Variants in TBXAS1 observed in about 807,000 individuals in gnomAD.
The protein encoded by TBXAS1 is thromboxane A synthase 1.
TBXAS1 carries 48 observed loss-of-function variants against 60.7 expected under a neutral mutation model. The observed-to-expected ratio is 0.79, with a 90% CI of 0.63 to 1.01. TBXAS1 has a LOEUF of 1.01. Ranked by LOEUF, TBXAS1 falls within the 50% of genes least tolerant of loss-of-function variation. TBXAS1 has a pLI of 0.00. For missense variants in TBXAS1, 685 were observed against 686.3 expected (o/e 1.00, Z 0.02); for synonymous variants, 287 against 269.7 (o/e 1.06, Z -0.63).
At chr7:139,815,547 A>G (rs891724916) in intron 4 of TBXAS1, among the ~76,000 whole-genome samples, 8 of 152,198 alleles carry the variant, frequency 5.3e-5, no homozygotes, top group Non-Finnish European at 7.3e-5. Context: ...TCTATGATGT[A>G]ATTATGTGAG....
chr7:139,820,246 T>C (rs1425797343), intron 4 of TBXAS1, among the ~76,000 whole-genome samples: 3 of 152,044 alleles, frequency 2.0e-5, no homozygotes, highest in African/African-American at 7.2e-5. Flanking sequence ...TGTAGCCGCA[T>C]CCAGCCATGA....
At position 139,972,023 on chromosome 7, in the gene TBXAS1, G is replaced by T. The variant is rs1048621535; in HGVS notation, c.1134+9790G>T. 5.3e-5 allele frequency among the ~76,000 whole-genome samples: 8 copies of T among 152,260 alleles called. No individual in the cohort carries two copies. In the East Asian group the frequency reaches 1.5e-3, roughly 29 times the overall value. On this transcript the variant is annotated intron_variant, in intron 9 of 12. Coordinates refer to ENST00000448866, the MANE Select transcript of TBXAS1 (RefSeq NM_001061.7). ...CCAAGACCCACATGCCTGCAATGGG[G>T]GTGGCACAGGGGAGGCAGGGTGAAG...
intron 4 of TBXAS1, among the ~76,000 whole-genome samples, chr7:139,791,694 C>G (rs1175311894): frequency 6.6e-6 from 1 of 152,082 alleles, no homozygotes; most frequent in African/African-American, 2.4e-5. Flanking sequence ...GTGAAAGGTG[C>G]AGGCGGCTGT....
chr7:139,986,942 T>G (rs918002573), intron 9 of TBXAS1, among the ~76,000 whole-genome samples: 2 of 151,936 alleles, frequency 1.3e-5, no homozygotes, highest in African/African-American at 4.8e-5. Flanking sequence ...GGTGGAAATT[T>G]GATGTGGAAA....
At chr7:139,956,749 T>C (rs1584949382) in intron 7 of TBXAS1, among the ~76,000 whole-genome samples, 1 of 152,388 alleles carries the variant, frequency 6.6e-6, no homozygotes, top group East Asian at 1.9e-4. Flanking sequence ...CAGCGCAGGC[T>C]GTGTCTGCCC....
At chr7:139,899,384 C>A (rs1804396423) in intron 3 of TBXAS1, among the ~76,000 whole-genome samples, 2 of 152,162 alleles carry the variant, frequency 1.3e-5, no homozygotes, top group East Asian at 1.9e-4. Context: ...GGCCAGGCAG[C>A]CCCCAGGCTA....
At chr7:139,993,173 G>A (rs578211539) in intron 9 of TBXAS1, among the ~76,000 whole-genome samples, 14 of 151,996 alleles carry the variant, frequency 9.2e-5, no homozygotes, top group Non-Finnish European at 1.5e-4. Context: ...AGTGAGACTC[G>A]GTCTCAATAA....
chr7:139,958,633 G>T (rs1810067251), intron 8 of TBXAS1, among the ~76,000 whole-genome samples: 1 of 152,238 alleles, frequency 6.6e-6, no homozygotes, highest in Non-Finnish European at 1.5e-5. Flanking sequence ...GCACTGGCCT[G>T]AAATGAAATC....
chr7:139,849,289 G>C (rs948631912), intron 1 of TBXAS1, among the ~76,000 whole-genome samples: 2 of 151,926 alleles, frequency 1.3e-5, no homozygotes, highest in African/African-American at 2.4e-5. Flanking sequence ...TGGGGTGAGA[G>C]GATCAGTTGA....
chr7:139,842,166 T>C (rs1799492776), intron 1 of TBXAS1, among the ~76,000 whole-genome samples: 1 of 152,148 alleles, frequency 6.6e-6, no homozygotes, highest in Non-Finnish European at 1.5e-5. Flanking sequence ...AAGAAAACAA[T>C]AGCAACAGTC....
chr7:139,955,700 G>A (rs1007781383), intron 7 of TBXAS1, 93 bp downstream of exon 7: 1 of 1,576,654 alleles, frequency 6.3e-7, no homozygotes, highest in East Asian at 2.2e-5. Flanking sequence ...CTCTGTCCCT[G>A]CCACTGGGAA....
intron 10 of TBXAS1, among the ~76,000 whole-genome samples, chr7:140,009,548 C>T (rs1343366325): frequency 6.6e-6 from 1 of 151,506 alleles, no homozygotes; most frequent in Non-Finnish European, 1.5e-5. Flanking sequence ...TCCTGAGCCG[C>T]CCCTTCCCCA....
At chr7:139,995,341 C>T (rs1370470530) in intron 9 of TBXAS1, among the ~76,000 whole-genome samples, 1 of 152,188 alleles carries the variant, frequency 6.6e-6, no homozygotes, top group Non-Finnish European at 1.5e-5. Context: ...AGCAAATCAT[C>T]AACAAGATGC....
chr7:139,924,852 T>A (rs1806764861), intron 4 of TBXAS1, among the ~76,000 whole-genome samples: 2 of 152,074 alleles, frequency 1.3e-5, no homozygotes, highest in African/African-American at 4.8e-5. Flanking sequence ...GAGATAGGGG[T>A]CTAGTTTCAT....
chr7:139,811,236 C>G (rs1448351459), intron 4 of TBXAS1, among the ~76,000 whole-genome samples: 2 of 152,210 alleles, frequency 1.3e-5, no homozygotes, highest in East Asian at 3.8e-4. Flanking sequence ...TCTGCACATA[C>G]AGTCACTCTT....
chr7:139,895,484 CCT>C (rs917748629), intron 3 of TBXAS1, among the ~76,000 whole-genome samples: 69 of 152,304 alleles, frequency 4.5e-4, no homozygotes, highest in African/African-American at 1.6e-3. Flanking sequence ...CAAAATGCCA[CCT>C]CTCTGTGTTC....
At chr7:139,967,127 C>T (rs1000282662) in intron 9 of TBXAS1, among the ~76,000 whole-genome samples, 2 of 152,238 alleles carry the variant, frequency 1.3e-5, no homozygotes, top group Non-Finnish European at 2.9e-5. Flanking sequence ...AGCAGGATAC[C>T]AGCTAGATGG....
intron 9 of TBXAS1, chr7:139,962,438 C>T (rs1810447341): frequency 9.9e-6 from 6 of 606,000 alleles, no homozygotes; most frequent in South Asian, 5.6e-5. Flanking sequence ...AACAAAAAGA[C>T]AAATTGTGTG....
chr7:139,799,719 C>T (rs915477636), intron 4 of TBXAS1, among the ~76,000 whole-genome samples: 6 of 152,144 alleles, frequency 3.9e-5, no homozygotes, highest in African/African-American at 1.4e-4. Context: ...TTCTTGCTGC[C>T]CTGAATTAAG....
Sources: allele counts gnomAD v4.1 joint callset (sites outside exome capture counted in the v4.1 genomes callset), GRCh38; gene constraint gnomAD v4.1.1; transcripts MANE v1.5; gene names NCBI Gene and HGNC (gene_info 2026-07-23, HGNC 2026-07-21).